NTM: variants seen among roughly 807,000 people sequenced by gnomAD.
The protein encoded by NTM is IgLON family member 2.
NTM carries 13 observed loss-of-function variants against 42.1 expected under a neutral mutation model. The observed-to-expected ratio is 0.31, with a 90% CI of 0.20 to 0.49. NTM has a LOEUF of 0.49. Among genes scored for constraint, NTM ranks in the 20% least tolerant of loss-of-function variants. NTM has a pLI of 0.99. For synonymous variants in NTM, 187 were observed against 179.2 expected, an observed-to-expected ratio of 1.04 and a Z score of -0.35; for missense variants, 373 against 452.8, an observed-to-expected ratio of 0.82 and a Z score of 1.60.
chr11:131,998,260 T>G (rs1304012590), intron 2 of NTM, among the ~76,000 whole-genome samples: 2 of 152,174 alleles, frequency 1.3e-5, no homozygotes, highest in African/African-American at 4.8e-5. Context: ...TGGGGACTCG[T>G]AAAAGCTGCG....
At chr11:131,895,506 G>A (rs1012721935) in intron 1 of NTM, among the ~76,000 whole-genome samples, 2 of 152,042 alleles carry the variant, frequency 1.3e-5, no homozygotes, top group African/African-American at 4.8e-5. Context: ...GCTCAGTGTT[G>A]GGCAGGTACA....
intron 2 of NTM, among the ~76,000 whole-genome samples, chr11:132,055,265 C>T (rs1034585817): frequency 3.9e-5 from 6 of 152,206 alleles, no homozygotes; most frequent in African/African-American, 1.4e-4. Flanking sequence ...TCACCCCACT[C>T]ACCTCCATGT....
rs758360286 is a variant in NTM, at chr11:131,443,271, A to G, written c.82+72383A>G. 3.7e-4 allele frequency among the ~76,000 whole-genome samples: 56 copies of G among 152,178 alleles called. 1 individual carries two copies. Among genetic ancestry groups the G allele is most frequent in the Non-Finnish European group, 6.8e-4 (46 of 68,032 alleles). ...TGAAAATATTTAGTAACAAAATTCA[A>G]CAATGAAGACTGGCCATATTGTAAC... is the stretch of plus-strand genomic sequence containing the variant. On this transcript the variant is annotated intron_variant, in intron 1 of 8. Transcript: ENST00000683400.
intron 1 of NTM, among the ~76,000 whole-genome samples, chr11:131,649,220 C>T (rs1481091324): frequency 1.3e-5 from 2 of 152,176 alleles, no homozygotes; most frequent in Middle Eastern, 3.2e-3. Context: ...AAACACTGTG[C>T]GTGGCACCCA....
chr11:131,398,218 C>T (rs961723157), intron 1 of NTM, among the ~76,000 whole-genome samples: 1 of 152,140 alleles, frequency 6.6e-6, no homozygotes, highest in South Asian at 2.1e-4. Context: ...ATCTTCATGA[C>T]TGCAGTTGGA....
intron 3 of NTM, among the ~76,000 whole-genome samples, chr11:132,189,722 A>G (rs2138226446): frequency 6.6e-6 from 1 of 152,270 alleles, no homozygotes; most frequent in Non-Finnish European, 1.5e-5. Context: ...CAATGGTTTA[A>G]TCACTCCTGT....
At chr11:131,612,678 T>C (rs943975132) in intron 1 of NTM, among the ~76,000 whole-genome samples, 9 of 152,236 alleles carry the variant, frequency 5.9e-5, no homozygotes, top group Non-Finnish European at 1.3e-4. Context: ...GTTTATCGAA[T>C]GCTGAACTAC....
At chr11:131,963,833 A>G (rs1230227990) in intron 2 of NTM, among the ~76,000 whole-genome samples, 1 of 152,230 alleles carries the variant, frequency 6.6e-6, no homozygotes, top group Non-Finnish European at 1.5e-5. Flanking sequence ...AATCATCAGA[A>G]TGACACTTTG....
chr11:132,260,506 G>A (rs1462829158), intron 4 of NTM, among the ~76,000 whole-genome samples: 3 of 152,126 alleles, frequency 2.0e-5, no homozygotes, highest in Admixed American at 1.3e-4. Context: ...TGTGGATGAT[G>A]TAATTAGAAG....
chr11:132,230,843 G>A (rs538155716), intron 4 of NTM, among the ~76,000 whole-genome samples: 10 of 152,296 alleles, frequency 6.6e-5, no homozygotes, highest in Middle Eastern at 3.4e-3. Flanking sequence ...GCAACATAAT[G>A]AGACCCCCAT....
chr11:132,311,690 C>CA (rs2095285336), intron 6 of NTM, among the ~76,000 whole-genome samples: 1 of 152,188 alleles, frequency 6.6e-6, no homozygotes, highest in Admixed American at 6.5e-5. Context: ...CCCAAATCTT[C>CA]AATTGTCTAG....
intron 2 of NTM, among the ~76,000 whole-genome samples, chr11:132,000,302 A>T (rs11222859): frequency 0.28 from 42,016 of 152,090 alleles, 6,080 homozygotes; most frequent in Admixed American, 0.3. Context: ...TCCTTGGGGG[A>T]GTTCTGTGGC....
Position 132,001,371 on chromosome 11 carries a change from G to A in NTM, c.167+89723G>A, listed in dbSNP as rs565336877. Among the ~76,000 whole-genome samples the A allele has an allele frequency of 1.6e-4, 24 of 152,276 alleles. No individual in the cohort carries two copies. The South Asian group carries it at 4.6e-3, about 29-fold the overall frequency. ...TGATTTATAGTAAGCTGTTGTGTGA[G>A]GCCATTCTGGCATTACTATAAAGAT... On this transcript the variant is annotated intron_variant, in intron 2 of 8. Coordinates refer to ENST00000683400, the MANE Select transcript of NTM (RefSeq NM_001352005.2).
At chr11:132,021,752 A>G (rs2074368372) in intron 2 of NTM, among the ~76,000 whole-genome samples, 1 of 152,202 alleles carries the variant, frequency 6.6e-6, no homozygotes, top group South Asian at 2.1e-4. Flanking sequence ...AGTTGTGCTC[A>G]ACCATCTTGA....
At chr11:131,778,194 T>A (rs891064891) in intron 1 of NTM, among the ~76,000 whole-genome samples, 1 of 152,220 alleles carries the variant, frequency 6.6e-6, no homozygotes, top group African/African-American at 2.4e-5. Flanking sequence ...AGAAGAAACA[T>A]GCAACCTCTA....
At chr11:131,535,569 T>A (rs1436176888) in intron 1 of NTM, 2 of 152,182 alleles carry the variant, frequency 1.3e-5, no homozygotes, top group African/African-American at 4.8e-5. Flanking sequence ...CTTATGAGAA[T>A]CCCTGTCCCC....
chr11:132,107,301 G>A (rs2062504687), intron 2 of NTM, among the ~76,000 whole-genome samples: 1 of 150,870 alleles, frequency 6.6e-6, no homozygotes, highest in African/African-American at 2.4e-5. Context: ...ACCTGCAATG[G>A]GCTAATGTAG....
At chr11:131,598,641 G>C (rs2060022582) in intron 1 of NTM, among the ~76,000 whole-genome samples, 1 of 151,964 alleles carries the variant, frequency 6.6e-6, no homozygotes. Flanking sequence ...GCTTCCACCA[G>C]CACTACAGCA....
intron 1 of NTM, chr11:131,910,895 A>G: frequency 1.0e-6 from 1 of 986,006 alleles, no homozygotes; most frequent in Non-Finnish European, 1.2e-6. Context: ...GGATCGCACG[A>G]AGCCCGCGCG....
Sources: allele counts gnomAD v4.1 joint callset (sites outside exome capture counted in the v4.1 genomes callset), GRCh38; gene constraint gnomAD v4.1.1; transcripts MANE v1.5; gene names NCBI Gene and HGNC (gene_info 2026-07-23, HGNC 2026-07-21).